Variants in XRN2 observed in about 807,000 individuals in gnomAD.
XRN2 encodes 5'-3' exoribonuclease 2.
In XRN2, 44 loss-of-function variants were observed where a neutral mutation model predicts 138.5. The observed-to-expected ratio is 0.32, with a 90% CI of 0.25 to 0.41. XRN2 has a LOEUF of 0.41. XRN2 is among the 10% of genes least tolerant of loss of function. The pLI is 1.00. For synonymous variants in XRN2, 354 were observed against 369.4 expected (o/e 0.96, Z 0.48); for missense variants, 937 against 1,169.3 (o/e 0.80, Z 2.90).
At chr20:21,384,873 T>C (rs1260308464) in intron 28 of XRN2, among the ~76,000 whole-genome samples, 1 of 152,202 alleles carries the variant, frequency 6.6e-6, no homozygotes, top group African/African-American at 2.4e-5. Context: ...CCTAGGCAAA[T>C]TTTTAGTTTT....
At chr20:21,361,886 T>C (rs2038640629) in intron 24 of XRN2, among the ~76,000 whole-genome samples, 1 of 152,200 alleles carries the variant, frequency 6.6e-6, no homozygotes, top group Non-Finnish European at 1.5e-5. Context: ...TGGGAACAAA[T>C]TAAGATACTA....
At position 21,347,925 on chromosome 20, in the gene XRN2, A is replaced by G. The variant is rs370299842; in HGVS notation, c.1666-221A>G. Among the ~76,000 whole-genome samples the G allele has an allele frequency of 4.5e-4, 68 of 152,372 alleles. No individual in the cohort carries two copies. The South Asian group carries it at 0.014, about 31-fold the overall frequency. ...TACTGATTTTTCAAAGATGCTTTGT[A>G]GCATTTTTAAAGTCAAAGAGCCATT... On this transcript the variant is annotated intron_variant, in intron 17 of 29. Coordinates refer to ENST00000377191, the MANE Select transcript of XRN2 (RefSeq NM_012255.5).
chr20:21,344,177 G>A lies in XRN2; in HGVS notation c.1498G>A (p.Asp500Asn), dbSNP rs758382724. The A allele has an allele frequency of 3.7e-6, 6 of 1,613,344 alleles. No homozygotes were observed. In the South Asian group the frequency reaches 6.6e-5, roughly 18 times the overall value. The change falls in exon 16 of 30, where the codon GAC becomes AAC. Residue 500 changes from aspartate (D) to asparagine (N), a missense_variant. Coordinates refer to ENST00000377191, the MANE Select transcript of XRN2 (RefSeq NM_012255.5). ...AATTAAGCGAAAAGCAGAAGACAGTGACAGTGAACCTGAGCCAGAGGATAA... is the reference window on the plus strand; with the variant it reads ...AATTAAGCGAAAAGCAGAAGACAGTAACAGTGAACCTGAGCCAGAGGATAA... ...GGIKRKAEDS[D>N]SEPEPEDNVR...
intron 1 of XRN2, among the ~76,000 whole-genome samples, chr20:21,314,485 T>G (rs1049025209): frequency 6.6e-6 from 1 of 152,210 alleles, no homozygotes; most frequent in African/African-American, 2.4e-5. Context: ...GTTTAATCAT[T>G]TGAAGAACTG....
chr20:21,338,797 G>T (rs1439409127), intron 13 of XRN2, among the ~76,000 whole-genome samples: 1 of 152,072 alleles, frequency 6.6e-6, no homozygotes, highest in Non-Finnish European at 1.5e-5. Context: ...TTCCTAAAAT[G>T]ATTCAAAAGC....
chr20:21,337,424 A>C (rs2038310873), intron 13 of XRN2, among the ~76,000 whole-genome samples: 1 of 152,236 alleles, frequency 6.6e-6, no homozygotes. Context: ...CCTCATGGAA[A>C]GACTGGGAGG....
chr20:21,369,686 AG>A (rs1279783541), intron 27 of XRN2, among the ~76,000 whole-genome samples: 1 of 152,226 alleles, frequency 6.6e-6, no homozygotes, highest in Non-Finnish European at 1.5e-5. Context: ...ATGTCTATTC[AG>A]ATATTTTGCC....
At chr20:21,338,944 C>G in intron 13 of XRN2, 100 bp from the exon 14 acceptor site, 1 of 1,164,918 alleles carries the variant, frequency 8.6e-7, no homozygotes, top group Middle Eastern at 2.0e-4. Flanking sequence ...TGGGGTCGTC[C>G]TTTAAAACTT....
chr20:21,386,221 G>A (rs895851481), intron 28 of XRN2, among the ~76,000 whole-genome samples: 1 of 152,238 alleles, frequency 6.6e-6, no homozygotes, highest in African/African-American at 2.4e-5. Context: ...GTGTTCCCAT[G>A]TAAACTGTAC....
intron 1 of XRN2, among the ~76,000 whole-genome samples, chr20:21,305,301 A>G (rs2037800440): frequency 6.6e-6 from 1 of 152,234 alleles, no homozygotes; most frequent in Non-Finnish European, 1.5e-5. Context: ...TATGTCTCTT[A>G]GGCTGGAGTA....
At position 21,303,611 on chromosome 20, in the gene XRN2, C is replaced by G; in HGVS notation, c.75+138C>G. 5 of 1,373,872 alleles carry G rather than the reference C, an allele frequency of 3.6e-6. No individual in the cohort carries two copies. In the Middle Eastern group the frequency reaches 8.3e-4, roughly 227 times the overall value. The allele number at this position is 1,373,872 out of a possible 1,614,324, so 85.1% of individuals were successfully genotyped here. A position where few individuals can be genotyped will look rare whatever the true frequency, so the allele number is the denominator to read the frequency against. On this transcript the variant is annotated intron_variant, in intron 1 of 29. Coordinates refer to ENST00000377191, the MANE Select transcript of XRN2 (RefSeq NM_012255.5). Reference sequence around the variant, plus strand: ...CTGCTGCCAGCCTCGCGAGCAGTCGCAGCCCCACACGCGATGGGACGCGGG... The same window carrying G: ...CTGCTGCCAGCCTCGCGAGCAGTCGGAGCCCCACACGCGATGGGACGCGGG...
chr20:21,365,689 C>G lies in XRN2; in HGVS notation c.2441C>G (p.Ala814Gly). The change falls in exon 26 of 30, where the codon GCC becomes GGC. Residue 814 changes from alanine (A) to glycine (G), a missense_variant. This residue lies in a region of XRN2 where 372 missense variants were observed against 414.4 expected (regional missense o/e 0.90). Transcript: ENST00000377191. ...DRRPVHLDQA[A>G]FRTLGHVMPR... ...AGGCCTGTGCACCTGGATCAGGCAGCCTTCAGGACTTTGGGGTGAGTTGTC... is the reference window on the plus strand; with the variant it reads ...AGGCCTGTGCACCTGGATCAGGCAGGCTTCAGGACTTTGGGGTGAGTTGTC... 1 of 1,611,330 alleles carries G rather than the reference C, an allele frequency of 6.2e-7. No individual in the cohort carries two copies. Among genetic ancestry groups the G allele is most frequent in the Non-Finnish European group, 8.5e-7 (1 of 1,179,280 alleles).
chr20:21,347,585 T>C (rs534341156), intron 17 of XRN2, among the ~76,000 whole-genome samples: 2 of 152,378 alleles, frequency 1.3e-5, no homozygotes, highest in Non-Finnish European at 2.9e-5. Context: ...ATCTTAGATA[T>C]CTCTTTCCTA....
At chr20:21,350,834 A>G (rs577544402) in intron 20 of XRN2, among the ~76,000 whole-genome samples, 2 of 152,268 alleles carry the variant, frequency 1.3e-5, no homozygotes. Flanking sequence ...CAGAAATATC[A>G]TATCGCTTCA....
At chr20:21,363,998 C>T (rs561792232) in intron 24 of XRN2, among the ~76,000 whole-genome samples, 2 of 152,030 alleles carry the variant, frequency 1.3e-5, no homozygotes, top group East Asian at 3.9e-4. Context: ...GTGGTGTGGT[C>T]TTGGCTCACT....
intron 29 of XRN2, among the ~76,000 whole-genome samples, chr20:21,387,274 G>A (rs2038946562): frequency 6.6e-6 from 1 of 152,138 alleles, no homozygotes; most frequent in Non-Finnish European, 1.5e-5. Flanking sequence ...TCCAAGTATA[G>A]TCAGTCACCA....
At chr20:21,366,087 T>G (rs1284376761) in intron 26 of XRN2, among the ~76,000 whole-genome samples, 39 of 115,402 alleles carry the variant, frequency 3.4e-4, no homozygotes, top group Non-Finnish European at 2.4e-4. Flanking sequence ...ATTTATAGTT[T>G]ATATATATAA....
At chr20:21,324,550 A>C (rs1240863927) in intron 1 of XRN2, among the ~76,000 whole-genome samples, 1 of 148,956 alleles carries the variant, frequency 6.7e-6, no homozygotes, top group Admixed American at 6.8e-5. Context: ...TAGCTCTTCC[A>C]ATCTCACTTG....
chr20:21,347,217 A>G (rs1359148421), intron 17 of XRN2, among the ~76,000 whole-genome samples: 1 of 152,236 alleles, frequency 6.6e-6, no homozygotes, highest in East Asian at 1.9e-4. Context: ...ACAGAGGACA[A>G]ACCCTGGAAA....
Sources: gnomAD v4.1 joint callset for allele counts (sites outside exome capture counted in the v4.1 genomes callset) on GRCh38, gnomAD v4.1.1 for gene constraint, gnomAD v4.1.1 regional missense constraint, MANE v1.5 for transcripts, NCBI Gene and HGNC (gene_info 2026-07-23, HGNC 2026-07-21) for gene names.